Variants in TSHZ2 observed in about 807,000 individuals in gnomAD.
The protein encoded by TSHZ2 is teashirt zinc finger homeobox 2.
A neutral mutation model predicts 74.4 loss-of-function variants in TSHZ2; 21 were observed. That is an observed-to-expected ratio of 0.28 (90% CI 0.20 to 0.41). The LOEUF (loss-of-function observed/expected upper bound fraction) is 0.41. Among genes scored for constraint, TSHZ2 ranks in the 10% least tolerant of loss-of-function variants. The pLI is 1.00. For synonymous variants in TSHZ2, 540 were observed against 515.3 expected (o/e 1.05, Z -0.65); for missense variants, 1,244 against 1,293.5 (o/e 0.96, Z 0.59).
chr20:53,128,583 G>A (rs534599499), intron 1 of TSHZ2, among the ~76,000 whole-genome samples: 79 of 151,862 alleles, frequency 5.2e-4, no homozygotes, highest in African/African-American at 1.8e-3. Context: ...GTATCAATTC[G>A]CTATATTATT....
intron 2 of TSHZ2, among the ~76,000 whole-genome samples, chr20:53,369,278 A>G (rs1007690584): frequency 2.6e-5 from 4 of 152,142 alleles, no homozygotes; most frequent in Non-Finnish European, 4.4e-5. Context: ...GAAAAAGAAG[A>G]GAGAATGCAG....
intron 1 of TSHZ2, among the ~76,000 whole-genome samples, chr20:53,058,281 C>T (rs2123157571): frequency 6.6e-6 from 1 of 152,272 alleles, no homozygotes; most frequent in East Asian, 1.9e-4. Context: ...GGACCTCTGT[C>T]TTTGATGGCC....
At chr20:53,375,561 C>G (rs1471504948) in intron 2 of TSHZ2, among the ~76,000 whole-genome samples, 1 of 152,056 alleles carries the variant, frequency 6.6e-6, no homozygotes, top group East Asian at 1.9e-4. Context: ...CCTTTTTTAC[C>G]TAGGAAGGGA....
At chr20:53,116,951 G>A (rs1251391902) in intron 1 of TSHZ2, among the ~76,000 whole-genome samples, 1 of 152,106 alleles carries the variant, frequency 6.6e-6, no homozygotes, top group Non-Finnish European at 1.5e-5. Context: ...GCATTATTGG[G>A]TTCTGGTGAG....
At chr20:53,234,639 C>T (rs1335532899) in intron 1 of TSHZ2, among the ~76,000 whole-genome samples, 1 of 151,962 alleles carries the variant, frequency 6.6e-6, no homozygotes, top group Non-Finnish European at 1.5e-5. Context: ...GATATTTAGG[C>T]AAAGATTTGA....
At chr20:53,377,696 T>TA (rs11086422) in intron 2 of TSHZ2, among the ~76,000 whole-genome samples, 14 of 151,768 alleles carry the variant, frequency 9.2e-5, no homozygotes, top group South Asian at 6.2e-4. Context: ...CCCATATCTA[T>TA]AAAAAAAATA....
intron 2 of TSHZ2, among the ~76,000 whole-genome samples, chr20:53,466,871 T>C (rs544173806): frequency 2.0e-5 from 3 of 152,362 alleles, no homozygotes; most frequent in South Asian, 2.1e-4. Flanking sequence ...CATTTTGCAT[T>C]ATATAGCTTT....
intron 1 of TSHZ2, among the ~76,000 whole-genome samples, chr20:52,991,725 G>A (rs1185873606): frequency 6.9e-6 from 1 of 145,698 alleles, no homozygotes; most frequent in Admixed American, 6.7e-5. Context: ...GTGTGTGTTG[G>A]GGGCAGAGAG....
intron 2 of TSHZ2, among the ~76,000 whole-genome samples, chr20:53,373,331 T>G (rs1981544311): frequency 6.6e-6 from 1 of 152,218 alleles, no homozygotes; most frequent in African/African-American, 2.4e-5. Context: ...TCGGAAGAAT[T>G]TTTTAGTGGG....
rs1555828549 is a variant in TSHZ2, at chr20:53,133,968, T to TG, written c.41-119530dup. Among the ~76,000 whole-genome samples, 8 of 59,956 alleles carry TG rather than the reference T, an allele frequency of 1.3e-4. No individual in the cohort carries two copies. The East Asian group carries it at 2.6e-3, about 19-fold the overall frequency. The allele number at this position is 59,956 out of a possible 152,430, so 39.3% of individuals were successfully genotyped here. ...TTGATAGATTTTTTACCATTTTTTC[T>TG]GAAAAAAAAAAAAAAATAGGCCACG... On this transcript the variant is annotated intron_variant, in intron 1 of 2. Transcript: ENST00000371497.
At chr20:53,137,446 G>C (rs1213760771) in intron 1 of TSHZ2, among the ~76,000 whole-genome samples, 3 of 152,000 alleles carry the variant, frequency 2.0e-5, no homozygotes, top group Non-Finnish European at 4.4e-5. Flanking sequence ...TCCAGCGTCT[G>C]TGAATAACTG....
At chr20:53,465,845 C>T (rs1157820241) in intron 2 of TSHZ2, among the ~76,000 whole-genome samples, 3 of 151,952 alleles carry the variant, frequency 2.0e-5, no homozygotes, top group African/African-American at 7.3e-5. Flanking sequence ...ACAAACTCTT[C>T]TTAGGAAGAG....
intron 2 of TSHZ2, among the ~76,000 whole-genome samples, chr20:53,438,258 C>A (rs114003045): frequency 6.6e-6 from 1 of 151,816 alleles, no homozygotes; most frequent in Non-Finnish European, 1.5e-5. Flanking sequence ...TACAGATGCC[C>A]GCCACGACAC....
intron 1 of TSHZ2, among the ~76,000 whole-genome samples, chr20:53,163,543 G>A (rs1478180085): frequency 1.3e-5 from 2 of 151,512 alleles, no homozygotes; most frequent in Non-Finnish European, 2.9e-5. Context: ...ATGCTGGTGC[G>A]CTGCACCCAC....
intron 2 of TSHZ2, among the ~76,000 whole-genome samples, chr20:53,416,112 C>T (rs1431747606): frequency 2.6e-5 from 4 of 152,048 alleles, no homozygotes; most frequent in Non-Finnish European, 5.9e-5. Flanking sequence ...GTGGTGGAGA[C>T]GAGTGGAGGC....
At chr20:53,042,617 G>A (rs1984081646) in intron 1 of TSHZ2, among the ~76,000 whole-genome samples, 1 of 148,494 alleles carries the variant, frequency 6.7e-6, no homozygotes, top group Admixed American at 6.8e-5. Context: ...TTTCACTTCA[G>A]AAAGTGAAAG....
intron 2 of TSHZ2, chr20:53,398,887 ATGCATACAC>A (rs1600607731): frequency 6.6e-6 from 1 of 152,234 alleles, no homozygotes; most frequent in African/African-American, 2.4e-5. Flanking sequence ...TATGCATGCA[ATGCATACAC>A]TGAGCACCAT....
intron 1 of TSHZ2, among the ~76,000 whole-genome samples, chr20:53,167,446 G>C (rs578210531): frequency 1.3e-5 from 2 of 152,212 alleles, no homozygotes; most frequent in East Asian, 1.9e-4. Context: ...GGGAAGTCAG[G>C]CTTCAAACCT....
chr20:53,047,613 A>G (rs1166738137), intron 1 of TSHZ2, among the ~76,000 whole-genome samples: 1 of 152,196 alleles, frequency 6.6e-6, no homozygotes, highest in African/African-American at 2.4e-5. Context: ...AAATACCAAG[A>G]AACAGGAGAT....
Sources: gnomAD v4.1 joint callset for allele counts (sites outside exome capture counted in the v4.1 genomes callset) on GRCh38, gnomAD v4.1.1 for gene constraint, MANE v1.5 for transcripts, NCBI Gene and HGNC (gene_info 2026-07-23, HGNC 2026-07-21) for gene names.